FBXL18: variants seen among roughly 807,000 people sequenced by gnomAD.
The protein encoded by FBXL18 is F-box and leucine rich repeat protein 18, also known as F-box/LRR-repeat protein 18.
A neutral mutation model predicts 46.0 loss-of-function variants in FBXL18; 36 were observed. The observed-to-expected ratio is 0.78, with a 90% CI of 0.60 to 1.03. The LOEUF is 1.03. Ranked by LOEUF, FBXL18 falls within the 50% of genes least tolerant of loss-of-function variation. The pLI is 0.00. For missense variants in FBXL18, 977 were observed against 1,004.1 expected (o/e 0.97, Z 0.36); for synonymous variants, 557 against 465.3 (o/e 1.20, Z -2.54).
chr7:5,490,196 C>T (rs1385063600), intron 4 of FBXL18: 2 of 1,341,946 alleles, frequency 1.5e-6, no homozygotes, highest in Non-Finnish European at 2.0e-6. Context: ...GGCCTCCTTC[C>T]TGTCACCTCT....
chr7:5,454,550 T>A (rs1783146541), intron 4 of FBXL18, among the ~76,000 whole-genome samples: 3 of 152,224 alleles, frequency 2.0e-5, no homozygotes, highest in Admixed American at 2.0e-4. Context: ...ACTGGATTAG[T>A]ATCAGTTTGA....
rs1784087253 is a variant in FBXL18 at position 5,496,606 on chromosome 7, G to A, written c.1781+3882C>T. Among the ~76,000 whole-genome samples the A allele has an allele frequency of 3.3e-5, 5 of 152,196 alleles. No homozygotes were observed. Among genetic ancestry groups the A allele is most frequent in the Admixed American group, 2.6e-4 (4 of 15,270 alleles). On this transcript the variant is annotated intron_variant, in intron 3 of 4. Coordinates refer to ENST00000382368, the MANE Select transcript of FBXL18 (RefSeq NM_024963.6). This position sits in a 1 kb window ranked among gnomAD's most constrained non-coding sequence, Gnocchi z 4.8. ...ACACTTAACAGACTCTCCGGACCGG[G>A]CACAGTGGCTCACACCTGTGATCCC...
chr7:5,490,266 G>A, intron 4 of FBXL18: 3 of 1,265,068 alleles, frequency 2.4e-6, no homozygotes, highest in African/African-American at 3.1e-5. Flanking sequence ...CCTTGGCCGG[G>A]CGCACGCCTC....
intron 4 of FBXL18, among the ~76,000 whole-genome samples, chr7:5,468,235 G>A (rs544805255): frequency 8.5e-5 from 13 of 152,096 alleles, no homozygotes; most frequent in East Asian, 5.8e-4. Flanking sequence ...CGCCCGCCTC[G>A]GCCTCCCAAA....
downstream of FBXL18, among the ~76,000 whole-genome samples, chr7:5,474,808 G>T (rs576002281): frequency 1.3e-5 from 2 of 150,376 alleles, no homozygotes; most frequent in East Asian, 4.0e-4. Context: ...CCCGGGTTCA[G>T]GCCATTCTCC....
chr7:5,490,984 A>G (rs571316169), intron 4 of FBXL18, among the ~76,000 whole-genome samples: 1 of 152,144 alleles, frequency 6.6e-6, no homozygotes, highest in East Asian at 1.9e-4. Flanking sequence ...AATAAGAAGA[A>G]GACTTTTGTA....
At chr7:5,491,940 A>G (rs1248496611) in intron 3 of FBXL18, among the ~76,000 whole-genome samples, 1 of 151,324 alleles carries the variant, frequency 6.6e-6, no homozygotes, top group Non-Finnish European at 1.5e-5. Context: ...GGGGAGGGAG[A>G]GGGCGAGAAT....
chr7:5,499,527 A>G (rs1313342495), intron 3 of FBXL18, among the ~76,000 whole-genome samples: 1 of 152,062 alleles, frequency 6.6e-6, no homozygotes, highest in East Asian at 1.9e-4. Context: ...TCAGGAGTTC[A>G]AGACCAGCCT....
intron 4 of FBXL18, among the ~76,000 whole-genome samples, chr7:5,467,051 G>A (rs58667267): frequency 0.015 from 2,238 of 152,038 alleles, 54 homozygotes; most frequent in African/African-American, 0.051. Context: ...ACCCTGTCTC[G>A]ATTAAAAATT....
chr7:5,486,903 TC>T (rs1783791099), intron 4 of FBXL18, among the ~76,000 whole-genome samples: 1 of 151,934 alleles, frequency 6.6e-6, no homozygotes, highest in South Asian at 2.1e-4. Context: ...CGGGGCCAGG[TC>T]CTCCCTCTGG....
At chr7:5,505,745 T>C in intron 1 of FBXL18, 115 bp from the exon 2 acceptor site, 1 of 786,756 alleles carries the variant, frequency 1.3e-6, no homozygotes, top group South Asian at 1.8e-5. Flanking sequence ...GAAGGTGTTT[T>C]TACTAAAACT....
At chr7:5,466,593 T>C (rs73337534) in intron 4 of FBXL18, among the ~76,000 whole-genome samples, 2 of 152,208 alleles carry the variant, frequency 1.3e-5, no homozygotes, top group South Asian at 2.1e-4. Context: ...TCCCAGAGCC[T>C]CTCCACATCT....
intron 1 of FBXL18, among the ~76,000 whole-genome samples, chr7:5,510,640 C>T (rs1193142008): frequency 6.7e-6 from 1 of 149,864 alleles, no homozygotes; most frequent in Non-Finnish European, 1.5e-5. Context: ...GAGCCATGAT[C>T]GCGCCACTGC....
chr7:5,470,359 C>T (rs1011010601), intron 4 of FBXL18, among the ~76,000 whole-genome samples: 2 of 152,150 alleles, frequency 1.3e-5, no homozygotes, highest in Non-Finnish European at 2.9e-5. Context: ...CTCCACCCTG[C>T]CCCCAAGGCG....
intron 2 of FBXL18, among the ~76,000 whole-genome samples, chr7:5,504,159 A>G (rs1249232221): frequency 2.7e-5 from 4 of 149,666 alleles, no homozygotes; most frequent in Non-Finnish European, 6.0e-5. Context: ...GCCAGGCACA[A>G]TGGGTCACAC....
rs775217732 is a variant in FBXL18, at chr7:5,478,042, T to A, written c.*3733A>T. ...TGGCTCTGGGTCCGGACCCAGGGTG[T>A]GGTTGAGGGAGGGCGCTGCTGAGCT... On this transcript the variant is annotated 3_prime_UTR_variant, in exon 5 of 5. Coordinates refer to ENST00000382368, the MANE Select transcript of FBXL18 (RefSeq NM_024963.6). 6.6e-6 allele frequency: 1 copy of A among 152,066 alleles called. No homozygotes were observed. 9.4% of individuals were successfully genotyped at this position (152,066 alleles called of 1,614,324 possible).
At position 5,479,331 on chromosome 7, in the gene FBXL18, C is replaced by A. The variant is rs1385956590; in HGVS notation, c.*2444G>T. On this transcript the variant is annotated 3_prime_UTR_variant, in exon 5 of 5. Coordinates refer to ENST00000382368, the MANE Select transcript of FBXL18 (RefSeq NM_024963.6). ...ATGCATTCCTGGAGCAGACGCAATT[C>A]TCTAGCCCGAGTGGGGAATGTTCTG... The A allele has an allele frequency of 6.6e-6, 1 of 152,262 alleles. No individual in the cohort carries two copies. Among genetic ancestry groups the A allele is most frequent in the Non-Finnish European group, 1.5e-5 (1 of 68,100 alleles). The allele number at this position is 152,262 out of a possible 1,614,324, so 9.4% of individuals were successfully genotyped here.
intron 2 of FBXL18, among the ~76,000 whole-genome samples, chr7:5,502,341 C>A (rs1337629578): frequency 6.6e-6 from 1 of 152,138 alleles, no homozygotes; most frequent in Non-Finnish European, 1.5e-5. Flanking sequence ...TCGAGACCAG[C>A]CTGGCCAACA....
At chr7:5,470,872 G>A (rs1783417678), downstream of FBXL18, among the ~76,000 whole-genome samples, 6 of 152,292 alleles carry the variant, frequency 3.9e-5, 1 homozygote, top group South Asian at 1.2e-3. Flanking sequence ...CGGTGGCTGA[G>A]AAAGGCTGGC....
Sources: gnomAD v4.1 joint callset for allele counts (sites outside exome capture counted in the v4.1 genomes callset) on GRCh38, gnomAD v4.1.1 for gene constraint, Gnocchi (gnomAD v3.1) non-coding constraint, MANE v1.5 for transcripts, NCBI Gene and HGNC (gene_info 2026-07-23, HGNC 2026-07-21) for gene names.